The following CDH18 variants were observed in gnomAD, a reference collection of about 807,000 sequenced individuals.
The protein encoded by CDH18 is cadherin 18.
In CDH18, 31 loss-of-function variants were observed where a neutral mutation model predicts 67.9. The ratio of observed to expected loss-of-function variants is 0.46; its 90% confidence interval spans 0.34 to 0.62. CDH18 has a LOEUF of 0.62. CDH18 is among the 20% of genes least tolerant of loss of function. The pLI, the probability that CDH18 is intolerant of heterozygous loss-of-function variation, is 0.01. For synonymous variants in CDH18, 362 were observed against 347.2 expected (o/e 1.04, Z -0.48); for missense variants, 890 against 975.5 (o/e 0.91, Z 1.17).
chr5:19,630,759 G>A (rs1043991481), intron 5 of CDH18, among the ~76,000 whole-genome samples: 1 of 152,092 alleles, frequency 6.6e-6, no homozygotes, highest in African/African-American at 2.4e-5. Flanking sequence ...GAATGAACGG[G>A]TCCCCTAGAT....
chr5:19,708,927 T>A (rs895762105), intron 5 of CDH18, among the ~76,000 whole-genome samples: 1 of 152,052 alleles, frequency 6.6e-6, no homozygotes, highest in Admixed American at 6.6e-5. Context: ...AGGGACTCCA[T>A]GACCGAGCTG....
chr5:19,592,331 A>G (rs1424437279), intron 6 of CDH18, among the ~76,000 whole-genome samples: 7 of 152,070 alleles, frequency 4.6e-5, no homozygotes, highest in South Asian at 2.1e-4. Context: ...AACCGTTTCT[A>G]TAGTGCTTAT....
chr5:19,827,965 T>C (rs982177007), intron 3 of CDH18, among the ~76,000 whole-genome samples: 6 of 152,108 alleles, frequency 3.9e-5, no homozygotes, highest in African/African-American at 1.4e-4. Context: ...ATTAGATTGA[T>C]AGACTTGTAG....
At chr5:20,141,545 A>G (rs1257629026) in intron 2 of CDH18, among the ~76,000 whole-genome samples, 1 of 152,218 alleles carries the variant, frequency 6.6e-6, no homozygotes, top group African/African-American at 2.4e-5. Flanking sequence ...GGTCAGGAGA[A>G]GGAACTGTTA....
chr5:19,658,928 A>C (rs1756791985), intron 5 of CDH18, among the ~76,000 whole-genome samples: 1 of 152,054 alleles, frequency 6.6e-6, no homozygotes, highest in South Asian at 2.1e-4. Context: ...GACTGGATTA[A>C]GAAAATGTGG....
chr5:20,419,916 A>G (rs1454188319), intron 1 of CDH18, among the ~76,000 whole-genome samples: 1 of 151,012 alleles, frequency 6.6e-6, no homozygotes, highest in Admixed American at 6.6e-5. Context: ...TTCAGAAAAA[A>G]CGACAGATTT....
intron 2 of CDH18, among the ~76,000 whole-genome samples, chr5:19,962,046 CA>C (rs1400146923): frequency 6.6e-6 from 1 of 151,828 alleles, no homozygotes; most frequent in Admixed American, 6.6e-5. Context: ...ATGATCTTTT[CA>C]TAATTGATTC....
At chr5:19,842,896 T>A (rs1782501050) in intron 2 of CDH18, among the ~76,000 whole-genome samples, 1 of 152,172 alleles carries the variant, frequency 6.6e-6, no homozygotes, top group Admixed American at 6.5e-5. Flanking sequence ...TCACTCTTGC[T>A]ATGTTTCAGC....
intron 1 of CDH18, among the ~76,000 whole-genome samples, chr5:20,469,674 C>T (rs1751912651): frequency 6.6e-6 from 1 of 152,122 alleles, no homozygotes; most frequent in Non-Finnish European, 1.5e-5. Flanking sequence ...TGGAAGTAGG[C>T]TGAGTTTTTT....
At chr5:20,131,165 C>T (rs1273167505) in intron 2 of CDH18, among the ~76,000 whole-genome samples, 1 of 151,802 alleles carries the variant, frequency 6.6e-6, no homozygotes, top group Non-Finnish European at 1.5e-5. Flanking sequence ...TGTATTCTTC[C>T]TTCTTCTCTT....
At chr5:20,295,989 A>G (rs1747476423) in intron 1 of CDH18, among the ~76,000 whole-genome samples, 1 of 142,818 alleles carries the variant, frequency 7.0e-6, no homozygotes, top group Admixed American at 7.4e-5. Flanking sequence ...CTCCTGCCTC[A>G]GCCTCCCGAG....
At position 20,256,963 on chromosome 5, in the gene CDH18, AATCT is replaced by A. The variant is rs1312339150; in HGVS notation, c.-579-1462_-579-1459del. ...TATCTATCTATCTATCTATCTATCT[AATCT>A]ATCTATATCTATATCTATATCTATC... On this transcript the variant is annotated intron_variant, in intron 1 of 14. Coordinates refer to the CDH18 transcript ENST00000507958. 8.2e-5 allele frequency among the ~76,000 whole-genome samples: 6 copies of A among 73,020 alleles called. No individual in the cohort carries two copies. In the South Asian group the frequency reaches 1.9e-3, roughly 24 times the overall value. The allele number at this position is 73,020 out of a possible 152,430, so 47.9% of individuals were successfully genotyped here.
chr5:20,245,937 G>T (rs1011195530), intron 2 of CDH18, among the ~76,000 whole-genome samples: 6 of 152,162 alleles, frequency 3.9e-5, no homozygotes, highest in Non-Finnish European at 7.4e-5. Context: ...GAAAGGGACA[G>T]TGTGATGCTG....
chr5:19,997,616 AAGT>A (rs1303649206), intron 2 of CDH18, among the ~76,000 whole-genome samples: 1 of 152,110 alleles, frequency 6.6e-6, no homozygotes, highest in African/African-American at 2.4e-5. Context: ...GTAAACTCTA[AAGT>A]CTTTGAGAAC....
At chr5:20,573,865 TATATATATGTATTTATATATATAAAAGAA>T (rs1561144492) in intron 1 of CDH18, among the ~76,000 whole-genome samples, 7 of 19,902 alleles carry the variant, frequency 3.5e-4, no homozygotes, top group African/African-American at 1.7e-3. Context: ...ATAAAAGAAA[TATATATATGTATTTATATATATAAAAGAA>T]ATATATATAT....
At chr5:20,006,631 C>A (rs1408978595) in intron 2 of CDH18, among the ~76,000 whole-genome samples, 2 of 151,854 alleles carry the variant, frequency 1.3e-5, no homozygotes. Flanking sequence ...CCTAAATTAG[C>A]ACATGGCATT....
At chr5:19,669,251 A>T (rs1460791234) in intron 5 of CDH18, among the ~76,000 whole-genome samples, 1 of 146,100 alleles carries the variant, frequency 6.8e-6, no homozygotes, top group Non-Finnish European at 1.5e-5. Flanking sequence ...TATATATTAT[A>T]TATAAAATAT....
intron 3 of CDH18, among the ~76,000 whole-genome samples, chr5:19,767,118 T>C (rs945896181): frequency 1.3e-5 from 2 of 151,866 alleles, no homozygotes; most frequent in African/African-American, 4.8e-5. Context: ...TGTGTAAAAA[T>C]ATTAAAATAA....
chr5:20,127,702 A>G (rs988737684), intron 2 of CDH18, among the ~76,000 whole-genome samples: 4 of 152,140 alleles, frequency 2.6e-5, no homozygotes, highest in Admixed American at 1.3e-4. Flanking sequence ...GCAAATGGGT[A>G]GCTGCTGTTC....
Sources: gnomAD v4.1 joint callset for allele counts (sites outside exome capture counted in the v4.1 genomes callset) on GRCh38, gnomAD v4.1.1 for gene constraint, MANE v1.5 for transcripts, NCBI Gene and HGNC (gene_info 2026-07-23, HGNC 2026-07-21) for gene names.